The following ABCA13 variants were observed in gnomAD, a reference collection of about 807,000 sequenced individuals.
The protein encoded by ABCA13 is ATP-binding cassette sub-family A member 13.
A neutral mutation model predicts 478.7 loss-of-function variants in ABCA13; 476 were observed. The ratio of observed to expected loss-of-function variants is 0.99; its 90% confidence interval spans 0.92 to 1.07. The LOEUF (loss-of-function observed/expected upper bound fraction) is 1.07. Among genes scored for constraint, ABCA13 ranks in the 50% least tolerant of loss-of-function variants. The pLI, the probability that ABCA13 is intolerant of heterozygous loss-of-function variation, is 0.00. For missense variants in ABCA13, 6,060 were observed against 5,910.6 expected, an observed-to-expected ratio of 1.03 and a Z score of -0.83; for synonymous variants, 2,252 against 2,158.9, an observed-to-expected ratio of 1.04 and a Z score of -1.20.
chr7:48,204,684 T>C (rs932439399), intron 3 of ABCA13, among the ~76,000 whole-genome samples: 5 of 152,138 alleles, frequency 3.3e-5, no homozygotes, highest in Admixed American at 2.6e-4. Context: ...TCGGCCTTTC[T>C]CTTTTTGTAT....
chr7:48,195,075 T>G (rs1797753221), intron 2 of ABCA13, among the ~76,000 whole-genome samples: 1 of 152,234 alleles, frequency 6.6e-6, no homozygotes, highest in Non-Finnish European at 1.5e-5. Flanking sequence ...TCTCAGGCAC[T>G]GTGCAACTTT....
chr7:48,340,453 A>G (rs1410870412), intron 29 of ABCA13, among the ~76,000 whole-genome samples: 2 of 152,236 alleles, frequency 1.3e-5, no homozygotes, highest in East Asian at 3.8e-4. Context: ...TACAAAAAGT[A>G]TATATGTCTG....
chr7:48,276,130 C>A lies in ABCA13; in HGVS notation c.6464C>A (p.Thr2155Asn). ...LFIPVTNESSTEDIALLAKAI... is the reference protein window; with the variant it reads ...LFIPVTNESSNEDIALLAKAI... ...ATTCCTGTGACCAATGAGAGTTCAACTGAAGATATAGCTTTGTTAGCCAAA... is the reference window on the plus strand; with the variant it reads ...ATTCCTGTGACCAATGAGAGTTCAAATGAAGATATAGCTTTGTTAGCCAAA... Residue 2155 changes from threonine to asparagine, a missense_variant, in exon 17 of 62, where the codon ACT becomes AAT. Around this residue, in one of 3 missense-constraint regions of ABCA13, gnomAD observed 4,423 missense variants for 4,309.1 expected, o/e 1.03. Coordinates refer to ENST00000435803, the MANE Select transcript of ABCA13 (RefSeq NM_152701.5). The A allele has an allele frequency of 6.3e-7, 1 of 1,597,278 alleles. No homozygotes were observed. The highest frequency in any genetic ancestry group is 8.5e-7 in the Non-Finnish European group (1 of 1,171,154).
intron 56 of ABCA13, among the ~76,000 whole-genome samples, chr7:48,581,617 G>C (rs1051263258): frequency 1.1e-4 from 17 of 152,200 alleles, no homozygotes; most frequent in African/African-American, 3.9e-4. Flanking sequence ...TTATGAAAAA[G>C]CTCTCGTTAA....
chr7:48,417,776 G>A (rs1357807098), intron 41 of ABCA13, among the ~76,000 whole-genome samples: 1 of 152,124 alleles, frequency 6.6e-6, no homozygotes, highest in African/African-American at 2.4e-5. Context: ...TGCCATTATA[G>A]TATGATATGG....
chr7:48,217,463 C>T (rs1230856044), intron 3 of ABCA13, among the ~76,000 whole-genome samples: 2 of 152,228 alleles, frequency 1.3e-5, no homozygotes, highest in Admixed American at 6.5e-5. Context: ...ACTGCCGCTT[C>T]TCTTCCTGCT....
At chr7:48,305,531 G>T (rs570487284) in intron 23 of ABCA13, among the ~76,000 whole-genome samples, 4 of 152,256 alleles carry the variant, frequency 2.6e-5, no homozygotes, top group African/African-American at 9.6e-5. Context: ...ATCATCTCCA[G>T]TTCCCTTGAA....
At chr7:48,486,136 T>C (rs946702803) in intron 47 of ABCA13, among the ~76,000 whole-genome samples, 1 of 152,206 alleles carries the variant, frequency 6.6e-6, no homozygotes, top group Non-Finnish European at 1.5e-5. Flanking sequence ...TGAGATATGC[T>C]GCTCTCTCTA....
chr7:48,248,842 A>C (rs1032648714), intron 14 of ABCA13, among the ~76,000 whole-genome samples: 3 of 152,212 alleles, frequency 2.0e-5, no homozygotes, highest in African/African-American at 7.2e-5. Flanking sequence ...ATGTGTGATC[A>C]ATTTCCATTT....
chr7:48,261,385 A>G (rs1373074360), intron 15 of ABCA13, among the ~76,000 whole-genome samples: 1 of 151,904 alleles, frequency 6.6e-6, no homozygotes, highest in Non-Finnish European at 1.5e-5. Context: ...GATTGTATGA[A>G]GACTTAAGTT....
At chr7:48,571,152 G>A (rs1006398196) in intron 55 of ABCA13, among the ~76,000 whole-genome samples, 1 of 152,070 alleles carries the variant, frequency 6.6e-6, no homozygotes, top group East Asian at 1.9e-4. Flanking sequence ...GTGCTCATCA[G>A]CATTGATTTT....
rs570865650 is a variant in ABCA13, at chr7:48,250,852, C to A, written c.2005+1501C>A. ...TCTTCTGCCCTGGTTTTCCAGCATGCCATGACACTGCTCCATCACAGTGGG... is the reference window on the plus strand; with the variant it reads ...TCTTCTGCCCTGGTTTTCCAGCATGACATGACACTGCTCCATCACAGTGGG... On this transcript the variant is annotated intron_variant, in intron 15 of 61. Transcript: ENST00000435803. 3.7e-4 allele frequency among the ~76,000 whole-genome samples: 57 copies of A among 152,250 alleles called. 1 individual carries two copies. The South Asian group carries it at 0.012, about 31-fold the overall frequency.
chr7:48,183,319 T>A (rs1302026251), intron 1 of ABCA13, among the ~76,000 whole-genome samples: 1 of 152,210 alleles, frequency 6.6e-6, no homozygotes, highest in African/African-American at 2.4e-5. Flanking sequence ...AATCTGGAGA[T>A]TGTTTGTTCA....
At chr7:48,236,080 C>A (rs1437573083) in intron 8 of ABCA13, among the ~76,000 whole-genome samples, 1 of 152,046 alleles carries the variant, frequency 6.6e-6, no homozygotes, top group South Asian at 2.1e-4. Flanking sequence ...CATTGTAGAT[C>A]AAGGATCACC....
intron 48 of ABCA13, among the ~76,000 whole-genome samples, chr7:48,496,866 C>G (rs1437693066): frequency 6.6e-6 from 1 of 151,632 alleles, no homozygotes; most frequent in Non-Finnish European, 1.5e-5. Flanking sequence ...TTTTTGTTGA[C>G]TTATTAGTTT....
chr7:48,403,906 C>T (rs779010166), intron 39 of ABCA13, 27 bp downstream of exon 39: 1 of 1,599,212 alleles, frequency 6.3e-7, no homozygotes, highest in Non-Finnish European at 8.5e-7. Context: ...ATTCTGCCTT[C>T]TCTTCCCACA....
intron 47 of ABCA13, among the ~76,000 whole-genome samples, chr7:48,483,614 G>A (rs1828999528): frequency 6.6e-6 from 1 of 152,178 alleles, no homozygotes; most frequent in African/African-American, 2.4e-5. Context: ...AGCCCTGCCA[G>A]GACTATACCT....
intron 31 of ABCA13, among the ~76,000 whole-genome samples, chr7:48,363,945 A>G (rs900549868): frequency 2.6e-5 from 4 of 152,132 alleles, no homozygotes; most frequent in African/African-American, 9.7e-5. Context: ...AATGAGACCA[A>G]CTTTTTCGCA....
At chr7:48,636,452 C>G (rs980940389) in intron 59 of ABCA13, among the ~76,000 whole-genome samples, 6 of 152,134 alleles carry the variant, frequency 3.9e-5, no homozygotes, top group Non-Finnish European at 5.9e-5. Flanking sequence ...TCTTTCCTGC[C>G]CATGGGAGAT....
Sources: gnomAD v4.1 joint callset for allele counts (sites outside exome capture counted in the v4.1 genomes callset) on GRCh38, gnomAD v4.1.1 for gene constraint, gnomAD v4.1.1 regional missense constraint, MANE v1.5 for transcripts, NCBI Gene and HGNC (gene_info 2026-07-23, HGNC 2026-07-21) for gene names.